Variants in LRPAP1 observed in about 807,000 individuals in gnomAD.
LRPAP1 encodes LDL receptor related protein associated protein 1.
A neutral mutation model predicts 39.9 loss-of-function variants in LRPAP1; 41 were observed. That is an observed-to-expected ratio of 1.03 (90% confidence interval 0.80 to 1.33). The LOEUF (loss-of-function observed/expected upper bound fraction) is 1.33, where lower values mean the gene tolerates loss of function less well. Ranked by LOEUF, LRPAP1 falls within the 40% of genes most tolerant of loss-of-function variation. LRPAP1 has a pLI of 0.00. For synonymous variants in LRPAP1, 263 were observed against 212.7 expected (o/e 1.24, Z -2.06); for missense variants, 565 against 482.3 (o/e 1.17, Z -1.61).
intron 1 of LRPAP1, among the ~76,000 whole-genome samples, chr4:3,529,016 C>A (rs867246): frequency 1.3e-5 from 2 of 151,952 alleles, no homozygotes; most frequent in African/African-American, 4.8e-5. Flanking sequence ...TCACCATTCA[C>A]GTCAGAACTA....
chr4:3,524,880 C>T (rs375523498), intron 2 of LRPAP1, 27 bp downstream of exon 2: 374 of 1,609,298 alleles, frequency 2.3e-4, no homozygotes, highest in Middle Eastern at 1.7e-3. Context: ...GGATACTCGA[C>T]CTGCATTAGG....
chr4:3,516,152 G>A lies in LRPAP1; in HGVS notation c.798C>T (p.Ser266=), dbSNP rs149473926. The A allele has an allele frequency of 2.4e-5, 38 of 1,582,662 alleles. No homozygotes were observed. Among genetic ancestry groups the A allele is most frequent in the African/African-American group, 6.7e-5 (5 of 74,588 alleles). The change falls in exon 6 of 8, where the codon TCC becomes TCT. Residue 266 remains serine, a synonymous_variant. Transcript: ENST00000650182. ...CCAGCTCCTTGTCCGTGAGGTTGGC[G>A]GACTGCGCCAGGTCCCACAGGTCAA... ...RVIDLWDLAQ[S]ANLTDKELEA... is the part of the protein sequence containing the mutation.
chr4:3,517,604 C>G (rs1368542413), intron 5 of LRPAP1: 1 of 157,600 alleles, frequency 6.3e-6, no homozygotes, highest in Admixed American at 6.5e-5. Context: ...GACGGAGCCA[C>G]AAGCTCTGTG....
Position 3,512,934 on chromosome 4 carries a change from C to G in LRPAP1, c.*40G>C. On this transcript the variant is annotated 3_prime_UTR_variant, in exon 8 of 8. Coordinates refer to ENST00000650182, the MANE Select transcript of LRPAP1 (RefSeq NM_002337.4). Reference sequence around the variant, plus strand: ...CACGGCCAAGAGCCCAGGTCCTTCACGCTGGCCTCTTCCCTGCCGGGCTGG... The same window carrying G: ...CACGGCCAAGAGCCCAGGTCCTTCAGGCTGGCCTCTTCCCTGCCGGGCTGG... 6.3e-7 allele frequency: 1 copy of G among 1,578,446 alleles called. No homozygotes were observed. Among genetic ancestry groups the G allele is most frequent in the Non-Finnish European group, 8.6e-7 (1 of 1,160,160 alleles).
At chr4:3,532,058 T>C (rs1286963090) in intron 1 of LRPAP1, 151 bp downstream of exon 1, 2 of 855,430 alleles carry the variant, frequency 2.3e-6, no homozygotes, top group Non-Finnish European at 3.5e-6. Context: ...CACCTGACAC[T>C]TGGGGGAGGC....
chr4:3,524,950 G>C lies in LRPAP1; in HGVS notation c.306C>G (p.Asp102Glu). 6.2e-7 allele frequency: 1 copy of C among 1,614,092 alleles called. No individual in the cohort carries two copies. Among genetic ancestry groups the C allele is most frequent in the Non-Finnish European group, 8.5e-7 (1 of 1,180,010 alleles). ...AWKKLKLDGL[D>E]EDGEKEARLI... ...GTCTCGCTTCCTTCTCCCCATCTTC[G>C]TCCAAGCCGTCAAGCTTTAGTTTCT... is the stretch of plus-strand genomic sequence containing the variant. The change falls in exon 2 of 8, where the codon GAC becomes GAG. Residue 102 changes from aspartate (D) to glutamate (E), a missense_variant. Physicochemically the swap from Asp to Glu is conservative, Grantham distance 45. Transcript: ENST00000650182.
chr4:3,525,334 A>G (rs1730048924), intron 1 of LRPAP1, among the ~76,000 whole-genome samples: 2 of 152,166 alleles, frequency 1.3e-5, no homozygotes, highest in Admixed American at 6.5e-5. Flanking sequence ...GTAACAGGAC[A>G]CCCCACCCTA....
intron 5 of LRPAP1, among the ~76,000 whole-genome samples, chr4:3,517,124 T>TCACCAG (rs958547699): frequency 4.8e-4 from 70 of 146,328 alleles, no homozygotes; most frequent in Non-Finnish European, 9.5e-4. Flanking sequence ...CGGCTGACAG[T>TCACCAG]CACCAGCACC....
chr4:3,528,576 GACC>G (rs1444867266), intron 1 of LRPAP1, among the ~76,000 whole-genome samples: 1 of 152,214 alleles, frequency 6.6e-6, no homozygotes, highest in Admixed American at 6.5e-5. Context: ...ACCGCCAATG[GACC>G]ACCTCTTCAG....
chr4:3,513,477 T>G (rs1415684896), intron 7 of LRPAP1, among the ~76,000 whole-genome samples: 1 of 152,030 alleles, frequency 6.6e-6, no homozygotes, highest in East Asian at 1.9e-4. Context: ...CCGGCTAATT[T>G]TTTCTACTTT....
chr4:3,514,185 T>C (rs1729621998), intron 7 of LRPAP1, among the ~76,000 whole-genome samples: 1 of 152,256 alleles, frequency 6.6e-6, no homozygotes, highest in Non-Finnish European at 1.5e-5. Flanking sequence ...TACCTTCATT[T>C]ATTTTTTAGG....
At chr4:3,528,612 C>T (rs142752470) in intron 1 of LRPAP1, among the ~76,000 whole-genome samples, 9 of 152,314 alleles carry the variant, frequency 5.9e-5, no homozygotes, top group Admixed American at 3.3e-4. Context: ...ATCCTCCCAG[C>T]GCTCACCTGA....
At position 3,524,221 on chromosome 4, in the gene LRPAP1, C is replaced by T. The variant is rs113526800; in HGVS notation, c.349+686G>A. Among the ~76,000 whole-genome samples the T allele has an allele frequency of 1.4e-3, 219 of 152,300 alleles. 1 individual carries two copies. Among genetic ancestry groups the T allele is most frequent in the African/African-American group, 5.0e-3 (209 of 41,570 alleles). On this transcript the variant is annotated intron_variant, in intron 2 of 7. Coordinates refer to ENST00000650182, the MANE Select transcript of LRPAP1 (RefSeq NM_002337.4). ...AGGGGTCCAAAAGGAACAGTCGCAA[C>T]TCTGTCATTTAAAACCCTCCCGGCT...
At chr4:3,514,265 G>A (rs887519898) in intron 7 of LRPAP1, among the ~76,000 whole-genome samples, 4 of 152,250 alleles carry the variant, frequency 2.6e-5, no homozygotes, top group Non-Finnish European at 5.9e-5. Context: ...TGGGGCTCCT[G>A]AGCCCCAGCT....
chr4:3,526,006 C>T (rs913730140), intron 1 of LRPAP1, among the ~76,000 whole-genome samples: 13 of 152,192 alleles, frequency 8.5e-5, no homozygotes, highest in East Asian at 1.9e-4. Context: ...AAGGCTCTTC[C>T]GTGCAGAGCA....
chr4:3,530,196 G>C (rs1407590401), intron 1 of LRPAP1, among the ~76,000 whole-genome samples: 1 of 152,138 alleles, frequency 6.6e-6, no homozygotes, highest in Non-Finnish European at 1.5e-5. Flanking sequence ...TCGGCAGAAA[G>C]AGCCACAGCA....
chr4:3,521,286 G>A (rs1729901839), intron 2 of LRPAP1, among the ~76,000 whole-genome samples: 2 of 152,222 alleles, frequency 1.3e-5, no homozygotes, highest in Non-Finnish European at 2.9e-5. Context: ...CTCCCAAGAT[G>A]CTGGGCTCGG....
intron 7 of LRPAP1, among the ~76,000 whole-genome samples, chr4:3,513,313 A>G (rs1729591670): frequency 6.6e-6 from 1 of 152,140 alleles, no homozygotes; most frequent in Non-Finnish European, 1.5e-5. Flanking sequence ...CCATGGTGTT[A>G]TTTATTTACT....
chr4:3,515,799 C>A, intron 6 of LRPAP1: 1 of 414,138 alleles, frequency 2.4e-6, no homozygotes, highest in South Asian at 2.5e-5. Flanking sequence ...GTCCTTGGTC[C>A]CCTCCCCCCA....
Sources: allele counts gnomAD v4.1 joint callset (sites outside exome capture counted in the v4.1 genomes callset), GRCh38; gene constraint gnomAD v4.1.1; transcripts MANE v1.5; gene names NCBI Gene and HGNC (gene_info 2026-07-23, HGNC 2026-07-21).